KHDRBS2: variants seen among roughly 807,000 people sequenced by gnomAD.
The protein encoded by KHDRBS2 is KH RNA binding domain containing, signal transduction associated 2, also known as KH domain-containing, RNA-binding, signal transduction-associated protein 2.
Under a neutral mutation model 44.3 loss-of-function variants are expected in KHDRBS2, and 26 were observed. The ratio of observed to expected loss-of-function variants is 0.59; its 90% CI spans 0.43 to 0.81. KHDRBS2 has a LOEUF of 0.81. Ranked by LOEUF, KHDRBS2 falls within the 40% of genes least tolerant of loss-of-function variation. KHDRBS2 has a pLI of 0.00. For synonymous variants in KHDRBS2, 194 were observed against 151.1 expected, an observed-to-expected ratio of 1.28 and a Z score of -2.08; for missense variants, 476 against 433.1, an observed-to-expected ratio of 1.10 and a Z score of -0.88.
At chr6:61,791,541 CA>C in intron 6 of KHDRBS2, among the ~76,000 whole-genome samples, 1 of 151,364 alleles carries the variant, frequency 6.6e-6, no homozygotes. Flanking sequence ...TAATTGAGAT[CA>C]AAAATTATAT....
intron 2 of KHDRBS2, among the ~76,000 whole-genome samples, chr6:62,128,718 AT>A (rs1229591008): frequency 2.6e-5 from 4 of 151,848 alleles, no homozygotes; most frequent in African/African-American, 9.7e-5. Flanking sequence ...TTCTAAATAT[AT>A]TTTTAGTGTA....
chr6:62,027,293 T>C (rs181531437), intron 3 of KHDRBS2, among the ~76,000 whole-genome samples: 5 of 152,138 alleles, frequency 3.3e-5, no homozygotes, highest in Admixed American at 1.3e-4. Flanking sequence ...CTGCATTTAA[T>C]ATTTAAAAAT....
chr6:61,872,886 A>G (rs779791778), intron 6 of KHDRBS2, among the ~76,000 whole-genome samples: 8 of 152,174 alleles, frequency 5.3e-5, no homozygotes, highest in Non-Finnish European at 8.8e-5. Context: ...CTTCACATCT[A>G]TAAAACTGCT....
intron 2 of KHDRBS2, among the ~76,000 whole-genome samples, chr6:62,142,236 G>A (rs1167831007): frequency 1.3e-5 from 2 of 152,008 alleles, no homozygotes; most frequent in Non-Finnish European, 2.9e-5. Context: ...AGGTGAAGAG[G>A]ATATAAAATT....
At chr6:61,758,282 G>A (rs1249729795) in intron 6 of KHDRBS2, among the ~76,000 whole-genome samples, 1 of 151,894 alleles carries the variant, frequency 6.6e-6, no homozygotes, top group African/African-American at 2.4e-5. Context: ...CATATATTTT[G>A]TATGTTTTTT....
At chr6:62,184,323 G>A (rs1321454376) in intron 1 of KHDRBS2, among the ~76,000 whole-genome samples, 4 of 151,738 alleles carry the variant, frequency 2.6e-5, no homozygotes, top group Middle Eastern at 3.4e-3. Context: ...TGATACTCAC[G>A]AGAAAGATAG....
intron 6 of KHDRBS2, among the ~76,000 whole-genome samples, chr6:61,763,291 A>G (rs2127573365): frequency 6.6e-6 from 1 of 152,318 alleles, no homozygotes; most frequent in African/African-American, 2.4e-5. Flanking sequence ...TCATGGAATA[A>G]ATAAATAATT....
chr6:61,976,403 T>C (rs1206169282), intron 4 of KHDRBS2, among the ~76,000 whole-genome samples: 1 of 152,082 alleles, frequency 6.6e-6, no homozygotes, highest in African/African-American at 2.4e-5. Flanking sequence ...GCAAGCGAGA[T>C]GTATTACTGA....
intron 3 of KHDRBS2, among the ~76,000 whole-genome samples, chr6:62,021,556 T>C (rs1051593825): frequency 2.6e-5 from 4 of 151,966 alleles, no homozygotes; most frequent in Admixed American, 2.6e-4. Context: ...TTGGCCATAC[T>C]GTCAGAGTCT....
At chr6:62,246,281 T>C (rs1174375531) in intron 1 of KHDRBS2, among the ~76,000 whole-genome samples, 2 of 151,820 alleles carry the variant, frequency 1.3e-5, no homozygotes, top group African/African-American at 4.8e-5. Context: ...AAGTTCTTTT[T>C]AAAGTAGTCA....
At chr6:61,994,301 AC>A (rs1434684295) in intron 3 of KHDRBS2, among the ~76,000 whole-genome samples, 1 of 152,130 alleles carries the variant, frequency 6.6e-6, no homozygotes, top group African/African-American at 2.4e-5. Context: ...TTGGGATAGA[AC>A]TCACCTCTAA....
chr6:61,800,363 G>C (rs886510148), intron 6 of KHDRBS2, among the ~76,000 whole-genome samples: 5 of 152,068 alleles, frequency 3.3e-5, no homozygotes, highest in African/African-American at 1.2e-4. Flanking sequence ...ATTAATATGA[G>C]GAGCTTTAGT....
chr6:61,946,409 C>T (rs1583662596), intron 4 of KHDRBS2, among the ~76,000 whole-genome samples: 1 of 152,302 alleles, frequency 6.6e-6, no homozygotes, highest in African/African-American at 2.4e-5. Flanking sequence ...TCTTGCTTGG[C>T]ACTAGACCTG....
intron 4 of KHDRBS2, among the ~76,000 whole-genome samples, chr6:61,915,396 A>G (rs1217833563): frequency 6.6e-6 from 1 of 152,040 alleles, no homozygotes; most frequent in Non-Finnish European, 1.5e-5. Flanking sequence ...GGTGGTCATA[A>G]TGACTCAACT....
At chr6:62,089,041 A>G (rs1798975939) in intron 2 of KHDRBS2, among the ~76,000 whole-genome samples, 1 of 151,988 alleles carries the variant, frequency 6.6e-6, no homozygotes, top group Non-Finnish European at 1.5e-5. Context: ...CCACCTACTC[A>G]AGCCTCAGTA....
At chr6:61,696,280 T>C (rs1267460025) in intron 8 of KHDRBS2, among the ~76,000 whole-genome samples, 1 of 150,860 alleles carries the variant, frequency 6.6e-6, no homozygotes, top group East Asian at 2.0e-4. Context: ...TTTTTGAGAC[T>C]GAGTCTCGCT....
At chr6:61,988,905 C>T (rs542118913) in intron 3 of KHDRBS2, among the ~76,000 whole-genome samples, 1 of 152,142 alleles carries the variant, frequency 6.6e-6, no homozygotes, top group South Asian at 2.1e-4. Context: ...TGAACACATG[C>T]CATTTAAACA....
chr6:61,655,221 TACATACAC>T, the KHDRBS2 span, among the ~76,000 whole-genome samples: 3 of 112,274 alleles, frequency 2.7e-5, no homozygotes, highest in Admixed American at 1.0e-4. Flanking sequence ...AATACATACA[TACATACAC>T]ACACACACAC....
At chr6:61,945,309 A>G (rs1366581387) in intron 4 of KHDRBS2, among the ~76,000 whole-genome samples, 1 of 150,914 alleles carries the variant, frequency 6.6e-6, no homozygotes, top group Non-Finnish European at 1.5e-5. Context: ...TATTTAGATC[A>G]TTTATGAAAA....
Sources: allele counts gnomAD v4.1 joint callset (sites outside exome capture counted in the v4.1 genomes callset), GRCh38; gene constraint gnomAD v4.1.1; transcripts MANE v1.5; gene names NCBI Gene and HGNC (gene_info 2026-07-23, HGNC 2026-07-21).